The following VPS13A variants were observed in gnomAD, a reference collection of about 807,000 sequenced individuals.
The protein encoded by VPS13A is intermembrane lipid transfer protein VPS13A.
VPS13A carries 264 observed loss-of-function variants against 390.9 expected under a neutral mutation model. The ratio of observed to expected loss-of-function variants is 0.68; its 90% confidence interval spans 0.61 to 0.75. The LOEUF (loss-of-function observed/expected upper bound fraction) is 0.75, where lower values mean the gene tolerates loss of function less well. Ranked by LOEUF, VPS13A falls within the 30% of genes least tolerant of loss-of-function variation. The pLI, the probability that VPS13A is intolerant of heterozygous loss-of-function variation, is 0.00. For synonymous variants in VPS13A, 1,231 were observed against 1,227.1 expected (o/e 1.00, Z -0.07); for missense variants, 3,409 against 3,733.9 (o/e 0.91, Z 2.27).
rs964466232 is a variant in VPS13A at position 77,196,128 on chromosome 9, A to G, written c.101-3817A>G. 4.0e-5 allele frequency among the ~76,000 whole-genome samples: 6 copies of G among 151,688 alleles called. No individual in the cohort carries two copies. In the South Asian group the frequency reaches 1.2e-3, roughly 32 times the overall value. On this transcript the variant is annotated intron_variant, in intron 1 of 71. Transcript: ENST00000360280. ...GTTTCCATCTGTTATTTCCTTATTT[A>G]TTTTATTTATTTATTGTTACTAGAA...
At chr9:77,240,752 G>A (rs1824441424) in intron 19 of VPS13A, among the ~76,000 whole-genome samples, 1 of 152,046 alleles carries the variant, frequency 6.6e-6, no homozygotes, top group African/African-American at 2.4e-5. Context: ...GGGATTACAG[G>A]CATGAGCCAC....
chr9:77,279,773 T>A, intron 26 of VPS13A: 1 of 196,252 alleles, frequency 5.1e-6, no homozygotes, highest in Non-Finnish European at 1.1e-5. Flanking sequence ...ACAGCTGGGT[T>A]TTCAAGGACT....
intron 17 of VPS13A, among the ~76,000 whole-genome samples, chr9:77,232,606 G>C (rs1196412910): frequency 6.6e-6 from 1 of 152,140 alleles, no homozygotes; most frequent in African/African-American, 2.4e-5. Context: ...TTGACTCATA[G>C]TTCGGTATGG....
intron 68 of VPS13A, among the ~76,000 whole-genome samples, chr9:77,392,815 TAAAA>T (rs34466446): frequency 7.1e-6 from 1 of 140,348 alleles, no homozygotes; most frequent in Admixed American, 7.1e-5. Context: ...ACATAATTGC[TAAAA>T]AAAAAAAAAA....
In VPS13A at chr9:77,403,294, A is replaced by C; in HGVS notation, c.9248A>C (p.Lys3083Thr). The C allele has an allele frequency of 1.9e-6, 3 of 1,612,336 alleles. No homozygotes were observed. Among genetic ancestry groups the C allele is most frequent in the Non-Finnish European group, 2.5e-6 (3 of 1,179,714 alleles). Residue 3083 changes from lysine to threonine, a missense_variant, in exon 69 of 72, where the codon AAG becomes ACG. Physicochemically the swap from Lys to Thr is moderately conservative, Grantham distance 78 (BLOSUM62 -1). Around this residue, in one of 5 missense-constraint regions of VPS13A, gnomAD observed 318 missense variants for 333.7 expected, o/e 0.95. Transcript: ENST00000360280. ...TATTTTACCCATGTCATGATCAATA[A>C]GACAGATATGCTAATGATAACCAGA... ...YKYFTHVMIN[K>T]TDMLMITRRG...
At chr9:77,228,373 T>G (rs1823642513) in intron 17 of VPS13A, 109 bp downstream of exon 17, 2 of 1,115,984 alleles carry the variant, frequency 1.8e-6, no homozygotes, top group Non-Finnish European at 2.5e-6. Flanking sequence ...GTTTCATATA[T>G]CCTTTTGTGG....
rs118067148 is a variant in VPS13A, at chr9:77,297,473, G to A, written c.3812+1627G>A. ...AAAACAATAGTAAACTGGGACAATCGTAGGGCTCACCTCATTTTTTTTTCC... is the reference window on the plus strand; with the variant it reads ...AAAACAATAGTAAACTGGGACAATCATAGGGCTCACCTCATTTTTTTTTCC... On this transcript the variant is annotated intron_variant, in intron 33 of 71. Coordinates refer to ENST00000360280, the MANE Select transcript of VPS13A (RefSeq NM_033305.3). Among the ~76,000 whole-genome samples the A allele has an allele frequency of 8.5e-3, 1,292 of 151,908 alleles. 10 individuals carry two copies. Among genetic ancestry groups the A allele is most frequent in the South Asian group, 0.014 (67 of 4,818 alleles).
chr9:77,249,971 T>A, intron 20 of VPS13A, 126 bp from the exon 21 acceptor site: 1 of 1,046,086 alleles, frequency 9.6e-7, no homozygotes, highest in Non-Finnish European at 1.4e-6. Context: ...CTAATAGCCT[T>A]ATTATGTATG....
intron 41 of VPS13A, among the ~76,000 whole-genome samples, chr9:77,318,837 A>G (rs1252292854): frequency 6.6e-6 from 1 of 152,194 alleles, no homozygotes; most frequent in Non-Finnish European, 1.5e-5. Context: ...AACTGATTTT[A>G]TCAACTTAAA....
At chr9:77,328,285 A>T (rs1435437402) in intron 45 of VPS13A, among the ~76,000 whole-genome samples, 4 of 152,182 alleles carry the variant, frequency 2.6e-5, no homozygotes, top group African/African-American at 4.8e-5. Context: ...AAATTCAGTG[A>T]ACCATGCTGT....
intron 61 of VPS13A, 28 bp downstream of exon 61, chr9:77,366,900 T>C: frequency 1.2e-6 from 2 of 1,606,362 alleles, no homozygotes; most frequent in Non-Finnish European, 1.7e-6. Flanking sequence ...ATCTGTAAAT[T>C]GATGGAAATA....
chr9:77,258,503 C>T lies in VPS13A; in HGVS notation c.2289-1583C>T, dbSNP rs536856909. On this transcript the variant is annotated intron_variant, in intron 22 of 71. Transcript: ENST00000360280. ...ATATTGTCCAGGGCCCTAAATCTTA[C>T]TCTCCTAGATTTTCTTTTCTTAGAA... Among the ~76,000 whole-genome samples the T allele has an allele frequency of 3.9e-5, 6 of 152,250 alleles. No homozygotes were observed. The South Asian group carries it at 1.0e-3, about 26-fold the overall frequency.
At chr9:77,352,876 C>T (rs1326700459) in intron 53 of VPS13A, among the ~76,000 whole-genome samples, 3 of 151,994 alleles carry the variant, frequency 2.0e-5, no homozygotes, top group South Asian at 4.1e-4. Flanking sequence ...TGAGAATTTG[C>T]TATGTTTATC....
intron 8 of VPS13A, 25 bp from the exon 9 acceptor site, chr9:77,213,209 G>A (rs374507135): frequency 5.0e-5 from 80 of 1,601,884 alleles, no homozygotes; most frequent in Non-Finnish European, 6.7e-5. Flanking sequence ...AAGAAAATGA[G>A]ACATCTAATA....
chr9:77,293,095 T>C (rs1412211536), intron 31 of VPS13A, among the ~76,000 whole-genome samples: 1 of 151,652 alleles, frequency 6.6e-6, no homozygotes, highest in African/African-American at 2.4e-5. Flanking sequence ...GAAAAAAAGC[T>C]GGAGCCACAC....
chr9:77,359,869 T>C (rs1323258914), intron 58 of VPS13A, among the ~76,000 whole-genome samples: 1 of 151,682 alleles, frequency 6.6e-6, no homozygotes, highest in Non-Finnish European at 1.5e-5. Flanking sequence ...GTATTTATAA[T>C]CATTGTTTCT....
intron 3 of VPS13A, among the ~76,000 whole-genome samples, chr9:77,204,093 T>C (rs533360832): frequency 1.3e-5 from 2 of 152,312 alleles, no homozygotes; most frequent in East Asian, 1.9e-4. Context: ...ATGAAATCTT[T>C]TTCTCAGTTT....
Position 77,213,023 on chromosome 9 carries a change from C to G in VPS13A, c.610C>G (p.Arg204Gly). ...ACATGATGAAACTGAGAAACTGGTT[C>G]GTAAGGTAAATAAATACTGTGTTTG... The part of the protein sequence containing the change: ...CLHDETEKLV[R>G]KLIRLDNLFA... Residue 204 changes from arginine to glycine, a missense_variant, in exon 8 of 72, where the codon CGT becomes GGT. By Grantham distance (125) the Arg-to-Gly change is moderately radical. This residue lies in a region of VPS13A where 2,717 missense variants were observed against 2,917.4 expected (regional missense o/e 0.93). Transcript: ENST00000360280. The G allele has an allele frequency of 1.2e-6, 2 of 1,613,564 alleles. No homozygotes were observed. The highest frequency in any genetic ancestry group is 1.7e-6 in the Non-Finnish European group (2 of 1,179,892).
rs372830335 is a variant in VPS13A, at chr9:77,339,985, A to G, written c.6774+74A>G. On this transcript the variant is annotated intron_variant, in intron 48 of 71. Transcript: ENST00000360280. ...TTTTTAGTTTTTAAAGTTCTGAGTA[A>G]TAAATATTATGAAACTTGGATAGAA... is the stretch of plus-strand genomic sequence containing the variant. 1.5e-4 allele frequency: 231 copies of G among 1,524,658 alleles called. 1 individual carries two copies. The highest frequency in any genetic ancestry group is 8.8e-4 in the South Asian group (74 of 83,880). 94.4% of individuals were successfully genotyped at this position (1,524,658 alleles called of 1,614,324 possible).
Sources: allele counts gnomAD v4.1 joint callset (sites outside exome capture counted in the v4.1 genomes callset), GRCh38; gene constraint gnomAD v4.1.1; regional missense constraint gnomAD v4.1.1; transcripts MANE v1.5; gene names NCBI Gene and HGNC (gene_info 2026-07-23, HGNC 2026-07-21).